ADK: variants seen among roughly 807,000 people sequenced by gnomAD.
The protein encoded by ADK is adenosine kinase, also known as N6,N6-dimethyladenosine kinase.
In ADK, 24 loss-of-function variants were observed where a neutral mutation model predicts 44.7. That is an observed-to-expected ratio of 0.54 (90% CI 0.39 to 0.76). The LOEUF (loss-of-function observed/expected upper bound fraction) is 0.76. Among genes scored for constraint, ADK ranks in the 30% least tolerant of loss-of-function variants. The probability of loss-of-function intolerance (pLI) is 0.00; values close to 1 mark genes in which losing one functional copy is unlikely to be tolerated. For synonymous variants in ADK, 128 were observed against 142.6 expected, an observed-to-expected ratio of 0.90 and a Z score of 0.73; for missense variants, 321 against 425.1, an observed-to-expected ratio of 0.76 and a Z score of 2.15.
chr10:74,423,449 C>G (rs1844644833), intron 6 of ADK: 1 of 184,792 alleles, frequency 5.4e-6, no homozygotes, highest in Admixed American at 6.2e-5. Context: ...GCAGCACTGG[C>G]TCTTGCTGGC....
At chr10:74,346,934 C>A (rs1415246722) in intron 4 of ADK, among the ~76,000 whole-genome samples, 1 of 151,710 alleles carries the variant, frequency 6.6e-6, no homozygotes, top group Non-Finnish European at 1.5e-5. Flanking sequence ...CACGGTGAAA[C>A]CCTGTCTCTA....
intron 1 of ADK, among the ~76,000 whole-genome samples, chr10:74,178,368 A>G (rs1298686005): frequency 6.6e-6 from 1 of 152,220 alleles, no homozygotes. Context: ...GGGCATATAA[A>G]TCTAGCTTTT....
chr10:74,578,605 T>G (rs1475955682), intron 7 of ADK, among the ~76,000 whole-genome samples: 1 of 152,160 alleles, frequency 6.6e-6, no homozygotes, highest in Admixed American at 6.5e-5. Flanking sequence ...GAATTTGTCC[T>G]ATAGGCTGTA....
Position 74,596,161 on chromosome 10 carries a change from C to A in ADK, c.763-4218C>A, listed in dbSNP as rs910993034. Reference sequence around the variant, plus strand: ...GCTATAGTTTTGTGATAAAAAAAAACAACAAAAAGCACATTGCTAGCATTT... The same window carrying A: ...GCTATAGTTTTGTGATAAAAAAAAAAAACAAAAAGCACATTGCTAGCATTT... On this transcript the variant is annotated intron_variant, in intron 8 of 10. Transcript: ENST00000539909. 6.6e-5 allele frequency among the ~76,000 whole-genome samples: 10 copies of A among 151,534 alleles called. No homozygotes were observed. The South Asian group carries it at 2.1e-3, about 32-fold the overall frequency.
At chr10:74,681,869 A>AG (rs1564850205) in intron 10 of ADK, among the ~76,000 whole-genome samples, 1 of 147,008 alleles carries the variant, frequency 6.8e-6, no homozygotes, top group African/African-American at 2.5e-5. Flanking sequence ...AAAAAAAAAA[A>AG]GTTGTCAGTT....
intron 9 of ADK, among the ~76,000 whole-genome samples, chr10:74,609,077 C>T (rs548877130): frequency 5.3e-5 from 8 of 152,278 alleles, no homozygotes; most frequent in Middle Eastern, 3.4e-3. Flanking sequence ...TAATGGCAGT[C>T]GCCCCTTCCC....
intron 3 of ADK, among the ~76,000 whole-genome samples, chr10:74,268,137 G>T (rs1219532340): frequency 6.6e-6 from 1 of 152,036 alleles, no homozygotes; most frequent in Non-Finnish European, 1.5e-5. Context: ...GCTCTGGGCA[G>T]CATAATGAGA....
At chr10:74,152,051 G>T (rs1279923882) in intron 1 of ADK, among the ~76,000 whole-genome samples, 1 of 152,246 alleles carries the variant, frequency 6.6e-6, no homozygotes, top group Admixed American at 6.5e-5. Flanking sequence ...AGTATAAAGT[G>T]AAGCAGGCAG....
rs545900111 is a variant in ADK at position 74,608,389 on chromosome 10, A to G, written c.877+7896A>G. 5.9e-5 allele frequency among the ~76,000 whole-genome samples: 9 copies of G among 152,028 alleles called. No individual in the cohort carries two copies. In the East Asian group the frequency reaches 1.7e-3, roughly 30 times the overall value. The stretch of plus-strand genomic sequence containing the variant: ...TGGATTTATCTACCTTTGGTCTTTG[A>G]TGCTGGTGACCTTCGGATGGGGTTT... On this transcript the variant is annotated intron_variant, in intron 9 of 10. Transcript: ENST00000539909.
chr10:74,549,645 C>T (rs1012930928), intron 7 of ADK, among the ~76,000 whole-genome samples: 1 of 151,942 alleles, frequency 6.6e-6, no homozygotes, highest in Non-Finnish European at 1.5e-5. Context: ...CCATGTTGCC[C>T]AGGCTGGTTT....
intron 6 of ADK, among the ~76,000 whole-genome samples, chr10:74,519,369 T>TA (rs1345098661): frequency 6.6e-6 from 1 of 151,960 alleles, no homozygotes; most frequent in Non-Finnish European, 1.5e-5. Context: ...CCACGTTACT[T>TA]ATGCTCATCA....
chr10:74,156,244 T>C (rs950022811), intron 1 of ADK, among the ~76,000 whole-genome samples: 3 of 152,208 alleles, frequency 2.0e-5, no homozygotes, highest in Non-Finnish European at 2.9e-5. Context: ...AGGCCTAGAC[T>C]GAATATTCAG....
chr10:74,300,361 T>TCC (rs1468698964), intron 3 of ADK, among the ~76,000 whole-genome samples: 41 of 67,806 alleles, frequency 6.0e-4, no homozygotes, highest in East Asian at 1.4e-3. Flanking sequence ...CTTCCTTCCT[T>TCC]TCTTTCTTTC....
intron 9 of ADK, among the ~76,000 whole-genome samples, chr10:74,627,938 A>G (rs1344851527): frequency 3.9e-5 from 6 of 152,136 alleles, no homozygotes; most frequent in Non-Finnish European, 1.5e-5. Flanking sequence ...CACCTGGCCT[A>G]CCACAATGTT....
chr10:74,357,608 A>G (rs1273551958), intron 4 of ADK, among the ~76,000 whole-genome samples: 1 of 151,606 alleles, frequency 6.6e-6, no homozygotes, highest in Non-Finnish European at 1.5e-5. Context: ...GCCCTTTGTG[A>G]TTTTTTTAAC....
At chr10:74,382,003 G>A (rs1842988336) in intron 4 of ADK, among the ~76,000 whole-genome samples, 1 of 152,082 alleles carries the variant, frequency 6.6e-6, no homozygotes, top group Non-Finnish European at 1.5e-5. Flanking sequence ...CTTCTCTGTG[G>A]ATTTTGTAGA....
intron 1 of ADK, chr10:74,176,381 CCCG>C (rs1263290875): frequency 1.1e-6 from 1 of 905,014 alleles, no homozygotes; most frequent in African/African-American, 1.8e-5. Context: ...AAATCCCACT[CCCG>C]AAGACCTGCC....
At chr10:74,646,556 C>A (rs1036923538) in intron 9 of ADK, among the ~76,000 whole-genome samples, 5 of 152,126 alleles carry the variant, frequency 3.3e-5, no homozygotes, top group Non-Finnish European at 7.4e-5. Flanking sequence ...GCTATGGTGG[C>A]CAAAGTTAAA....
chr10:74,293,812 ATAGAAAGG>A (rs1839714100), intron 3 of ADK, among the ~76,000 whole-genome samples: 1 of 152,220 alleles, frequency 6.6e-6, no homozygotes, highest in Non-Finnish European at 1.5e-5. Flanking sequence ...TATAACATAC[ATAGAAAGG>A]TATAAAAATC....
Sources: gnomAD v4.1 joint callset for allele counts (sites outside exome capture counted in the v4.1 genomes callset) on GRCh38, gnomAD v4.1.1 for gene constraint, MANE v1.5 for transcripts, NCBI Gene and HGNC (gene_info 2026-07-23, HGNC 2026-07-21) for gene names.